The following TRMT11 variants were observed in gnomAD, a reference collection of about 807,000 sequenced individuals.
TRMT11 encodes the protein tRNA (guanine(10)-N(2))-methyltransferase TRMT11.
TRMT11 carries 53 observed loss-of-function variants against 62.8 expected under a neutral mutation model. The ratio of observed to expected loss-of-function variants is 0.84; its 90% CI spans 0.68 to 1.06. The LOEUF is 1.06. Among genes scored for constraint, TRMT11 ranks in the 50% least tolerant of loss-of-function variants. TRMT11 has a pLI of 0.00. For synonymous variants in TRMT11, 188 were observed against 190.3 expected, an observed-to-expected ratio of 0.99 and a Z score of 0.10; for missense variants, 556 against 553.4, an observed-to-expected ratio of 1.00 and a Z score of -0.05.
At chr6:126,083,320 T>A (rs1242274691) in intron 17 of TRMT11, among the ~76,000 whole-genome samples, 1 of 152,148 alleles carries the variant, frequency 6.6e-6, no homozygotes, top group African/African-American at 2.4e-5. Context: ...CTGACCCCAA[T>A]GTACCTAAGC....
intron 21 of TRMT11, among the ~76,000 whole-genome samples, chr6:126,124,992 G>T (rs1777698859): frequency 6.6e-6 from 1 of 152,012 alleles, no homozygotes; most frequent in South Asian, 2.1e-4. Flanking sequence ...GGTAGGGAGG[G>T]ATCAGGACAT....
chr6:126,145,289 C>T (rs1216864642), intron 21 of TRMT11, among the ~76,000 whole-genome samples: 2 of 152,116 alleles, frequency 1.3e-5, no homozygotes, highest in Non-Finnish European at 2.9e-5. Flanking sequence ...GATGCTGAAT[C>T]TCTTCACCAT....
the TRMT11 span, among the ~76,000 whole-genome samples, chr6:126,213,724 T>C: frequency 1.3e-5 from 2 of 152,068 alleles, no homozygotes; most frequent in African/African-American, 2.4e-5. Context: ...CCTTTCCAAT[T>C]TGGATGCCCT....
chr6:126,072,843 T>C (rs1776897157), intron 17 of TRMT11, among the ~76,000 whole-genome samples: 1 of 152,126 alleles, frequency 6.6e-6, no homozygotes, highest in South Asian at 2.1e-4. Flanking sequence ...TTCATGAATG[T>C]TCCACCCTCA....
intron 21 of TRMT11, among the ~76,000 whole-genome samples, chr6:126,118,920 A>G (rs1777617921): frequency 6.6e-6 from 1 of 152,096 alleles, no homozygotes; most frequent in South Asian, 2.1e-4. Context: ...TAATAAGCAG[A>G]ATGACAATTA....
At chr6:126,047,000 G>A (rs116595275) in intron 16 of TRMT11, among the ~76,000 whole-genome samples, 29 of 152,070 alleles carry the variant, frequency 1.9e-4, no homozygotes, top group African/African-American at 6.7e-4. Context: ...TTTGCTGATT[G>A]GAGACTCTGG....
At chr6:126,044,959 G>T (rs756575755) in intron 16 of TRMT11, among the ~76,000 whole-genome samples, 1 of 152,132 alleles carries the variant, frequency 6.6e-6, no homozygotes, top group Non-Finnish European at 1.5e-5. Context: ...GCTGAGGCAG[G>T]TGGATCACCT....
the TRMT11 span, among the ~76,000 whole-genome samples, chr6:126,246,909 T>C: frequency 6.6e-6 from 1 of 152,184 alleles, no homozygotes; most frequent in Non-Finnish European, 1.5e-5. Context: ...GAAAATATGT[T>C]ACATATTAAG....
At chr6:126,094,636 A>ATAG (rs1401514978) in intron 17 of TRMT11, among the ~76,000 whole-genome samples, 4 of 152,204 alleles carry the variant, frequency 2.6e-5, no homozygotes, top group African/African-American at 4.8e-5. Context: ...AGAGAATGCC[A>ATAG]AGGATTTCGT....
At chr6:126,071,166 C>T (rs1380357034) in intron 17 of TRMT11, among the ~76,000 whole-genome samples, 5 of 152,118 alleles carry the variant, frequency 3.3e-5, no homozygotes, top group African/African-American at 1.2e-4. Flanking sequence ...CAGTAGTTTT[C>T]CACTCTCAGT....
intron 21 of TRMT11, among the ~76,000 whole-genome samples, chr6:126,163,660 C>T (rs919752752): frequency 3.9e-5 from 6 of 152,066 alleles, no homozygotes; most frequent in South Asian, 4.1e-4. Flanking sequence ...TGGTAGAATT[C>T]GGCTGTGAAT....
At chr6:126,204,465 G>A (rs79699269), downstream of TRMT11, among the ~76,000 whole-genome samples, 38 of 152,290 alleles carry the variant, frequency 2.5e-4, no homozygotes, top group Non-Finnish European at 1.6e-4. Context: ...TGTGTACTGC[G>A]TTCTTTCAAT....
intron 11 of TRMT11, among the ~76,000 whole-genome samples, chr6:126,019,053 T>A (rs955491458): frequency 6.6e-6 from 1 of 152,150 alleles, no homozygotes; most frequent in Admixed American, 6.5e-5. Flanking sequence ...GCTAATTTTG[T>A]ATTTTTAGCA....
chr6:126,209,839 T>C, the TRMT11 span, among the ~76,000 whole-genome samples: 1 of 152,330 alleles, frequency 6.6e-6, no homozygotes, highest in East Asian at 1.9e-4. Flanking sequence ...ACATTAAAAA[T>C]AAGAGAGCTT....
Position 125,998,123 on chromosome 6 carries a change from G to A in TRMT11, c.283G>A (p.Val95Met). 6.2e-7 allele frequency: 1 copy of A among 1,613,464 alleles called. No homozygotes were observed. Among genetic ancestry groups the A allele is most frequent in the Non-Finnish European group, 8.5e-7 (1 of 1,179,452 alleles). Reference sequence around the variant, plus strand: ...GTACAGTTCTCTTAAAAACTACCCTGTGGAGAAGATGGTGCGTAGTAAAAT... The same window carrying A: ...GTACAGTTCTCTTAAAAACTACCCTATGGAGAAGATGGTGCGTAGTAAAAT... ...ELYSSLKNYP[V>M]EKMVPFLHSD... Residue 95 changes from valine (V) to methionine (M), a missense_variant, in exon 4 of 13, where the codon GTG becomes ATG. Physicochemically the swap from Val to Met is conservative, Grantham distance 21. Coordinates refer to ENST00000334379, the MANE Select transcript of TRMT11 (RefSeq NM_001031712.3).
intron 17 of TRMT11, among the ~76,000 whole-genome samples, chr6:126,093,581 G>GTATATATATATATATATATA (rs1562321267): frequency 2.7e-5 from 1 of 37,070 alleles, no homozygotes; most frequent in Non-Finnish European, 5.5e-5. Flanking sequence ...AACAGGATAT[G>GTATATATATATATATATATA]TATGTATATA....
At chr6:126,079,856 A>G (rs911585039) in intron 17 of TRMT11, among the ~76,000 whole-genome samples, 1 of 152,176 alleles carries the variant, frequency 6.6e-6, no homozygotes, top group Non-Finnish European at 1.5e-5. Context: ...TCTGATTTCA[A>G]TAGGGATGGT....
chr6:126,019,617 T>C (rs958716301), intron 11 of TRMT11, among the ~76,000 whole-genome samples: 16 of 152,186 alleles, frequency 1.1e-4, no homozygotes, highest in African/African-American at 3.4e-4. Context: ...TGACACAAAC[T>C]GTTTCCAGCA....
At chr6:126,066,786 C>T (rs1776705044) in intron 17 of TRMT11, among the ~76,000 whole-genome samples, 1 of 152,094 alleles carries the variant, frequency 6.6e-6, no homozygotes. Context: ...CATGGCTTAT[C>T]AGTGATGAGG....
Sources: gnomAD v4.1 joint callset for allele counts (sites outside exome capture counted in the v4.1 genomes callset) on GRCh38, gnomAD v4.1.1 for gene constraint, MANE v1.5 for transcripts, NCBI Gene and HGNC (gene_info 2026-07-23, HGNC 2026-07-21) for gene names.